Variants in AHRR observed in about 807,000 individuals in gnomAD.
AHRR encodes the protein aryl hydrocarbon receptor repressor, also known as ahR repressor.
A neutral mutation model predicts 44.0 loss-of-function variants in AHRR; 28 were observed. That is an observed-to-expected ratio of 0.64 (90% CI 0.47 to 0.87). The LOEUF is 0.87. Ranked by LOEUF, AHRR falls within the 40% of genes least tolerant of loss-of-function variation. The pLI is 0.00. For missense variants in AHRR, 990 were observed against 953.9 expected (o/e 1.04, Z -0.50); for synonymous variants, 434 against 407.0 (o/e 1.07, Z -0.80).
rs770499837 is a variant in AHRR at position 353,828 on chromosome 5, C to T, written c.161C>T (p.Pro54Leu). The T allele has an allele frequency of 8.7e-6, 14 of 1,613,988 alleles. No homozygotes were observed. Among genetic ancestry groups the T allele is most frequent in the Non-Finnish European group, 1.0e-5 (12 of 1,180,020 alleles). Residue 54 changes from proline (P) to leucine (L), a missense_variant, in exon 3 of 11, where the codon CCG (proline) becomes CTG (leucine). Physicochemically the swap from Pro to Leu is moderately conservative, Grantham distance 98. Transcript: ENST00000684583. ...CACCTGGCCAGCCTGCTGCCGTTCC[C>T]GCCTGACATCATCTCCAAGCTGGAC... is the stretch of plus-strand genomic sequence containing the variant. ...LDHLASLLPF[P>L]PDIISKLDKL...
intron 1 of AHRR, among the ~76,000 whole-genome samples, chr5:324,804 A>G (rs978069482): frequency 2.6e-5 from 4 of 152,246 alleles, no homozygotes; most frequent in Admixed American, 2.6e-4. Context: ...AAACAAAAAC[A>G]AAAAACGAAA....
At chr5:325,350 T>C (rs1490490738) in intron 1 of AHRR, among the ~76,000 whole-genome samples, 1 of 152,202 alleles carries the variant, frequency 6.6e-6, no homozygotes. Context: ...GGGTTTGCTC[T>C]ATGCCCGGCC....
At chr5:422,653 C>T (rs1189518340) in intron 5 of AHRR, 76 bp from the exon 6 acceptor site, 6 of 1,599,762 alleles carry the variant, frequency 3.8e-6, no homozygotes, top group South Asian at 3.3e-5. Context: ...GGAAATTTTT[C>T]GGTTACTCGT....
At chr5:324,100 C>G (rs113331727) in intron 1 of AHRR, among the ~76,000 whole-genome samples, 13,771 of 149,672 alleles carry the variant, frequency 0.092, 2,130 homozygotes, top group African/African-American at 0.32. Context: ...TGTTCTGTCA[C>G]CCAGGCTGGA....
intron 1 of AHRR, 67 bp from the exon 2 acceptor site, chr5:343,826 G>C (rs993373864): frequency 1.3e-6 from 2 of 1,511,866 alleles, no homozygotes; most frequent in South Asian, 1.2e-5. Flanking sequence ...GAGGGGCCCG[G>C]GGCATCGCGG....
At position 434,498 on chromosome 5, in the gene AHRR, C is replaced by A; in HGVS notation, c.1758C>A (p.His586Gln). The A allele has an allele frequency of 1.2e-6, 2 of 1,613,102 alleles. No homozygotes were observed. The highest frequency in any genetic ancestry group is 1.7e-6 in the Non-Finnish European group (2 of 1,179,972). The change falls in exon 11 of 11, where the codon CAC becomes CAA. Residue 586 changes from histidine (H) to glutamine (Q), a missense_variant. By Grantham distance (24) the His-to-Gln change is conservative. Transcript: ENST00000684583. ...PDSRQQVYIS[H>Q]LGHGVRGAQP... ...CTCGGCAACAGGTGTACATCTCGCA[C>A]CTGGGGCACGGCGTGCGGGGGGCTC...
At chr5:327,033 A>G (rs914427850) in intron 1 of AHRR, among the ~76,000 whole-genome samples, 3 of 152,196 alleles carry the variant, frequency 2.0e-5, no homozygotes, top group Admixed American at 2.0e-4. Context: ...CACTCCAGCC[A>G]TGGCAACAGA....
chr5:424,376 C>T (rs1488088516), intron 7 of AHRR, among the ~76,000 whole-genome samples: 1 of 119,374 alleles, frequency 8.4e-6, no homozygotes, highest in Non-Finnish European at 2.0e-5. Context: ...GGGTGTTAAC[C>T]CATGTGTCCC....
chr5:434,897 C>T lies in AHRR; in HGVS notation c.*63C>T. The T allele has an allele frequency of 6.7e-7, 1 of 1,488,258 alleles. No homozygotes were observed. The highest frequency in any genetic ancestry group is 9.0e-7 in the Non-Finnish European group (1 of 1,112,918). The allele number at this position is 1,488,258 out of a possible 1,614,324, so 92.2% of individuals were successfully genotyped here. Reference sequence around the variant, plus strand: ...ACGCTCAGATGCGTCGGTGGCTGGGCTGCCCTGCTCCTGGTCAGGCCGGAG... The same window carrying T: ...ACGCTCAGATGCGTCGGTGGCTGGGTTGCCCTGCTCCTGGTCAGGCCGGAG... On this transcript the variant is annotated 3_prime_UTR_variant, in exon 11 of 11. Transcript: ENST00000684583.
intron 6 of AHRR, 88 bp downstream of exon 6, chr5:422,946 T>C: frequency 6.8e-7 from 1 of 1,470,252 alleles, no homozygotes; most frequent in Non-Finnish European, 9.1e-7. Context: ...CTGTCGCACC[T>C]TCTTGGTGTG....
At position 376,732 on chromosome 5, in the gene AHRR, G is replaced by T. The variant is rs1166849960; in HGVS notation, c.351+16G>T. ...GCTGTTGGAGGTGAGTGCCACCCTT[G>T]GTACCTCGAACACTTGACACTTGGT... On this transcript the variant is annotated intron_variant, in intron 4 of 10. Coordinates refer to ENST00000684583, the MANE Select transcript of AHRR (RefSeq NM_001377236.1). The T allele has an allele frequency of 6.3e-7, 1 of 1,589,216 alleles. No individual in the cohort carries two copies. Among genetic ancestry groups the T allele is most frequent in the Admixed American group, 1.7e-5 (1 of 57,162 alleles).
rs144442764 is a variant in AHRR, at chr5:431,594, G to A, written c.909-869G>A. Reference sequence around the variant, plus strand: ...TGAGGCAGTGGCAGCAGCCTCCAGCGGCCCCCAACAGCAGCCCCCATGGCC... The same window carrying A: ...TGAGGCAGTGGCAGCAGCCTCCAGCAGCCCCCAACAGCAGCCCCCATGGCC... On this transcript the variant is annotated intron_variant, in intron 8 of 10. Transcript: ENST00000684583. Among the ~76,000 whole-genome samples, 548 of 152,144 alleles carry A rather than the reference G, an allele frequency of 3.6e-3. 3 individuals are homozygous for A. Among genetic ancestry groups the A allele is most frequent in the African/African-American group, 0.012 (516 of 41,496 alleles).
chr5:429,918 G>A (rs575515454), intron 8 of AHRR, among the ~76,000 whole-genome samples: 23 of 152,294 alleles, frequency 1.5e-4, no homozygotes, highest in Non-Finnish European at 3.1e-4. Flanking sequence ...TTGGCTGAGC[G>A]CTCTCTGCTC....
intron 4 of AHRR, among the ~76,000 whole-genome samples, chr5:389,805 C>T (rs906435329): frequency 6.6e-5 from 10 of 150,882 alleles, no homozygotes; most frequent in Admixed American, 4.0e-4. Context: ...AAGAGGCCAC[C>T]GTGAAAGACA....
rs1194516066 is a variant in AHRR at position 435,243 on chromosome 5, TC to T, written c.*412del. On this transcript the variant is annotated 3_prime_UTR_variant, in exon 11 of 11. Coordinates refer to ENST00000684583, the MANE Select transcript of AHRR (RefSeq NM_001377236.1). ...CGGGGATGAAGCGGTCGGGTGATGCTCCCAAGTCCGCAGTCGGGGATGAAGC... is the reference window on the plus strand; with the variant it reads ...CGGGGATGAAGCGGTCGGGTGATGCTCCAAGTCCGCAGTCGGGGATGAAGC... 5.0e-6 allele frequency: 1 copy of T among 199,404 alleles called. No individual in the cohort carries two copies. Among genetic ancestry groups the T allele is most frequent in the African/African-American group, 2.9e-5 (1 of 34,510 alleles). The allele number at this position is 199,404 out of a possible 1,614,324, so 12.4% of individuals were successfully genotyped here.
chr5:373,044 T>G (rs550223282), intron 3 of AHRR, among the ~76,000 whole-genome samples: 1 of 152,334 alleles, frequency 6.6e-6, no homozygotes, highest in Non-Finnish European at 1.5e-5. Context: ...CTGTTCCAAA[T>G]GAGCCCCTTC....
rs1180694502 is a variant in AHRR at position 395,146 on chromosome 5, G to C, written c.352-18198G>C. 1.3e-5 allele frequency among the ~76,000 whole-genome samples: 2 copies of C among 152,188 alleles called. No individual in the cohort carries two copies. The highest frequency in any genetic ancestry group is 2.9e-5 in the Non-Finnish European group (2 of 68,026). On this transcript the variant is annotated intron_variant, in intron 4 of 10. Coordinates refer to ENST00000684583, the MANE Select transcript of AHRR (RefSeq NM_001377236.1). The surrounding 1 kb of genome is among the most constrained non-coding windows in gnomAD (Gnocchi z 5.3). ...CCAATCTCCTCCACACCTAACCCCA[G>C]ATAGCCCAAGACTTCTGGGGTTCCC...
At chr5:428,976 T>A (rs1736594649) in intron 8 of AHRR, among the ~76,000 whole-genome samples, 2 of 152,200 alleles carry the variant, frequency 1.3e-5, no homozygotes, top group African/African-American at 4.8e-5. Context: ...GAAGCTTCAC[T>A]CGCTTGCGCA....
At chr5:363,146 G>A (rs1468542365) in intron 3 of AHRR, among the ~76,000 whole-genome samples, 2 of 152,230 alleles carry the variant, frequency 1.3e-5, no homozygotes, top group Non-Finnish European at 2.9e-5. Context: ...GTGTCAGGCT[G>A]GCTGCTGCCC....
Sources: allele counts gnomAD v4.1 joint callset (sites outside exome capture counted in the v4.1 genomes callset), GRCh38; gene constraint gnomAD v4.1.1; non-coding constraint Gnocchi (gnomAD v3.1); transcripts MANE v1.5; gene names NCBI Gene and HGNC (gene_info 2026-07-23, HGNC 2026-07-21).